The following SLC24A3 variants were observed in gnomAD, a reference collection of about 807,000 sequenced individuals.
The protein encoded by SLC24A3 is sodium/potassium/calcium exchanger 3.
Under a neutral mutation model 75.8 loss-of-function variants are expected in SLC24A3, and 28 were observed. That is an observed-to-expected ratio of 0.37 (90% CI 0.27 to 0.51). The LOEUF (loss-of-function observed/expected upper bound fraction) is 0.51, where lower values mean the gene tolerates loss of function less well. Ranked by LOEUF, SLC24A3 falls within the 20% of genes least tolerant of loss-of-function variation. SLC24A3 has a pLI of 0.94. For synonymous variants in SLC24A3, 372 were observed against 334.1 expected (o/e 1.11, Z -1.24); for missense variants, 663 against 847.8 (o/e 0.78, Z 2.71).
At chr20:19,491,518 C>T (rs1988208689) in intron 2 of SLC24A3, among the ~76,000 whole-genome samples, 1 of 152,166 alleles carries the variant, frequency 6.6e-6, no homozygotes, top group African/African-American at 2.4e-5. Flanking sequence ...GTTGCCTGAG[C>T]TTCCAGTCAC....
At chr20:19,607,564 C>A (rs1407300744) in intron 6 of SLC24A3, among the ~76,000 whole-genome samples, 1 of 152,190 alleles carries the variant, frequency 6.6e-6, no homozygotes, top group Non-Finnish European at 1.5e-5. Context: ...ACATTGGGTG[C>A]ACCTTTGTGG....
chr20:19,356,649 C>A (rs1245794057), intron 2 of SLC24A3, among the ~76,000 whole-genome samples: 1 of 152,146 alleles, frequency 6.6e-6, no homozygotes, highest in Non-Finnish European at 1.5e-5. Context: ...ACAGAACATT[C>A]TTGTGGGTGT....
chr20:19,695,174 C>G (rs188491282), intron 13 of SLC24A3, among the ~76,000 whole-genome samples: 1 of 152,166 alleles, frequency 6.6e-6, no homozygotes, highest in African/African-American at 2.4e-5. Context: ...ACTCACATCC[C>G]CCCAATCTTT....
At chr20:19,564,087 A>G (rs2030918976) in intron 3 of SLC24A3, among the ~76,000 whole-genome samples, 2 of 152,232 alleles carry the variant, frequency 1.3e-5, no homozygotes, top group Admixed American at 1.3e-4. Context: ...CCTGAAGAGG[A>G]AGATCCCAGT....
chr20:19,554,990 G>T (rs772645481), intron 3 of SLC24A3, among the ~76,000 whole-genome samples: 1 of 152,196 alleles, frequency 6.6e-6, no homozygotes, highest in Non-Finnish European at 1.5e-5. Flanking sequence ...GCTAACAGCT[G>T]CTGTCAGATA....
chr20:19,348,577 A>C (rs1985488402), intron 2 of SLC24A3, among the ~76,000 whole-genome samples: 2 of 152,062 alleles, frequency 1.3e-5, no homozygotes, highest in African/African-American at 4.8e-5. Context: ...TCCAGCCCCC[A>C]ATGCCTAATA....
intron 12 of SLC24A3, among the ~76,000 whole-genome samples, chr20:19,688,464 T>A (rs1198273506): frequency 6.6e-6 from 1 of 152,264 alleles, no homozygotes; most frequent in African/African-American, 2.4e-5. Context: ...GCAAGGGGAC[T>A]GAATGTCCAG....
At chr20:19,692,831 C>G (rs936582271) in intron 12 of SLC24A3, among the ~76,000 whole-genome samples, 1 of 152,078 alleles carries the variant, frequency 6.6e-6, no homozygotes, top group Non-Finnish European at 1.5e-5. Flanking sequence ...GCTTTATTAT[C>G]GGGCGAAAAC....
At chr20:19,538,954 A>G (rs2030449226) in intron 3 of SLC24A3, among the ~76,000 whole-genome samples, 1 of 152,264 alleles carries the variant, frequency 6.6e-6, no homozygotes, top group African/African-American at 2.4e-5. Flanking sequence ...ACAACTGCAT[A>G]CAACAACACG....
At chr20:19,403,457 A>AACAG (rs1336865292) in intron 2 of SLC24A3, among the ~76,000 whole-genome samples, 1 of 152,222 alleles carries the variant, frequency 6.6e-6, no homozygotes, top group Admixed American at 6.5e-5. Flanking sequence ...GTGGTGAACA[A>AACAG]ACAGACCCCA....
chr20:19,232,456 T>C (rs1184836905), intron 1 of SLC24A3, among the ~76,000 whole-genome samples: 1 of 152,256 alleles, frequency 6.6e-6, no homozygotes, highest in African/African-American at 2.4e-5. Flanking sequence ...AATTTTTTAA[T>C]AATTATCTCA....
rs566210291 is a variant in SLC24A3, at chr20:19,635,928, C to G, written c.613-18134C>G. 6.6e-5 allele frequency among the ~76,000 whole-genome samples: 10 copies of G among 152,260 alleles called. No homozygotes were observed. The East Asian group carries it at 1.9e-3, about 29-fold the overall frequency. ...GGCCGAGATGGGTGGATCACAAGGT[C>G]AGGAGATCGAGACCATCCTGGCTAA... is the stretch of plus-strand genomic sequence containing the variant. On this transcript the variant is annotated intron_variant, in intron 6 of 16. Transcript: ENST00000328041.
In SLC24A3 at chr20:19,403,615, C is replaced by T. The variant is rs75858341; in HGVS notation, c.272-111873C>T. 7.5e-3 allele frequency among the ~76,000 whole-genome samples: 1,149 copies of T among 152,226 alleles called. 9 individuals carry two copies. Among genetic ancestry groups the T allele is most frequent in the African/African-American group, 0.026 (1,090 of 41,526 alleles). On this transcript the variant is annotated intron_variant, in intron 2 of 16. Coordinates refer to ENST00000328041, the MANE Select transcript of SLC24A3 (RefSeq NM_020689.4). The stretch of plus-strand genomic sequence containing the variant: ...GTACTGTGGGAACAAATAACGGGGC[C>T]TCAGACATAGCAGAAGGCAGCAGGG...
intron 3 of SLC24A3, among the ~76,000 whole-genome samples, chr20:19,522,450 A>G (rs2030115255): frequency 1.3e-5 from 2 of 152,228 alleles, no homozygotes; most frequent in Non-Finnish European, 1.5e-5. Flanking sequence ...CTAGAAAAAC[A>G]TGTATATGAC....
At chr20:19,703,963 C>A (rs1017894671) in intron 15 of SLC24A3, among the ~76,000 whole-genome samples, 2 of 152,180 alleles carry the variant, frequency 1.3e-5, no homozygotes, top group Admixed American at 1.3e-4. Context: ...AAGCCTGGAC[C>A]AGATGTCATG....
At chr20:19,313,658 A>G (rs1476246322) in intron 2 of SLC24A3, among the ~76,000 whole-genome samples, 1 of 152,218 alleles carries the variant, frequency 6.6e-6, no homozygotes, top group Non-Finnish European at 1.5e-5. Flanking sequence ...TTGAGATTTA[A>G]CTAAGAATCC....
At position 19,721,743 on chromosome 20, in the gene SLC24A3, T is replaced by C. The variant is rs948481280; in HGVS notation, c.*603T>C. 2 of 152,928 alleles carry C rather than the reference T, an allele frequency of 1.3e-5. No homozygotes were observed. Among genetic ancestry groups the C allele is most frequent in the Admixed American group, 6.5e-5 (1 of 15,300 alleles). The allele number at this position is 152,928 out of a possible 1,614,324, so 9.5% of individuals were successfully genotyped here. A position where few individuals can be genotyped will look rare whatever the true frequency, so the allele number is the denominator to read the frequency against. On this transcript the variant is annotated 3_prime_UTR_variant, in exon 17 of 17. Transcript: ENST00000328041. ...TAATCAATTACCCAAAGGCTGCACCTGCCGTGTTGTCTGGGCTTGCATCCC... is the reference window on the plus strand; with the variant it reads ...TAATCAATTACCCAAAGGCTGCACCCGCCGTGTTGTCTGGGCTTGCATCCC...
At chr20:19,535,443 A>G (rs1489705986) in intron 3 of SLC24A3, among the ~76,000 whole-genome samples, 4 of 152,334 alleles carry the variant, frequency 2.6e-5, no homozygotes, top group South Asian at 2.1e-4. Context: ...AGGCTAGCCA[A>G]GTTTATTCAC....
intron 2 of SLC24A3, among the ~76,000 whole-genome samples, chr20:19,456,486 C>T (rs1055609077): frequency 1.3e-5 from 2 of 152,228 alleles, no homozygotes; most frequent in Admixed American, 6.5e-5. Flanking sequence ...CTTGCTCCTC[C>T]TTGCCTTCCA....
Sources: gnomAD v4.1 joint callset for allele counts (sites outside exome capture counted in the v4.1 genomes callset) on GRCh38, gnomAD v4.1.1 for gene constraint, MANE v1.5 for transcripts, NCBI Gene and HGNC (gene_info 2026-07-23, HGNC 2026-07-21) for gene names.